The following LYPLAL1 variants were observed in gnomAD, a reference collection of about 807,000 sequenced individuals.
The protein encoded by LYPLAL1 is lysophospholipase-like protein 1.
A neutral mutation model predicts 19.7 loss-of-function variants in LYPLAL1; 23 were observed. The ratio of observed to expected loss-of-function variants is 1.17; its 90% CI spans 0.84 to 1.65. LYPLAL1 has a LOEUF of 1.65. Among genes scored for constraint, LYPLAL1 ranks in the 40% most tolerant of loss-of-function variants. The probability of loss-of-function intolerance (pLI) is 0.00; values close to 1 mark genes in which losing one functional copy is unlikely to be tolerated. For missense variants in LYPLAL1, 355 were observed against 279.4 expected (o/e 1.27, Z -1.93); for synonymous variants, 119 against 96.3 (o/e 1.24, Z -1.38).
chr1:219,179,148 T>A lies in LYPLAL1; in HGVS notation c.93T>A (p.Gly31=). ...AATCTAGATTTTTTGATTCATCAGG[T>A]GATTCTGGACAAGGATTAAGAATGT... The part of the protein sequence containing the change: ...SASLIFLHGS[G]DSGQGLRMWI... The change falls in exon 2 of 5, where the codon GGT becomes GGA. Residue 31 remains glycine (G), a splice_region_variant and synonymous_variant. Coordinates refer to ENST00000366928, the MANE Select transcript of LYPLAL1 (RefSeq NM_138794.5). 4 of 1,598,682 alleles carry A rather than the reference T, an allele frequency of 2.5e-6. No homozygotes were observed. The South Asian group carries it at 4.5e-5, about 18-fold the overall frequency.
chr1:219,209,115 T>C (rs1338958385), intron 3 of LYPLAL1, among the ~76,000 whole-genome samples: 1 of 152,096 alleles, frequency 6.6e-6, no homozygotes, highest in African/African-American at 2.4e-5. Flanking sequence ...TCTGGAGTTA[T>C]TGGGGGTATT....
the LYPLAL1 span, among the ~76,000 whole-genome samples, chr1:219,291,798 A>AC: frequency 6.6e-6 from 1 of 151,642 alleles, no homozygotes; most frequent in Admixed American, 6.6e-5. Flanking sequence ...GTGCAAAAAA[A>AC]AATGTAGCTT....
the LYPLAL1 span, among the ~76,000 whole-genome samples, chr1:219,385,433 T>A: frequency 6.6e-6 from 1 of 152,178 alleles, no homozygotes; most frequent in Admixed American, 6.6e-5. Flanking sequence ...AGTTGGCCTA[T>A]CCTTGAGGTA....
chr1:219,197,193 A>T (rs1220732875), intron 3 of LYPLAL1, among the ~76,000 whole-genome samples: 1 of 152,238 alleles, frequency 6.6e-6, no homozygotes, highest in Admixed American at 6.5e-5. Context: ...CAAAAAGGAC[A>T]AAGGTGGAGG....
At chr1:219,293,616 G>A in the LYPLAL1 span, among the ~76,000 whole-genome samples, 6 of 152,192 alleles carry the variant, frequency 3.9e-5, no homozygotes, top group Admixed American at 3.3e-4. Context: ...GCAAGAATTT[G>A]TCTTTGGAAG....
chr1:219,309,015 G>A, the LYPLAL1 span, among the ~76,000 whole-genome samples: 3 of 152,202 alleles, frequency 2.0e-5, no homozygotes, highest in Admixed American at 1.3e-4. Flanking sequence ...GCTACACGCT[G>A]CAAAGCCACA....
the LYPLAL1 span, among the ~76,000 whole-genome samples, chr1:219,361,632 G>C: frequency 6.6e-6 from 1 of 152,072 alleles, no homozygotes; most frequent in Non-Finnish European, 1.5e-5. Context: ...AGGTTGATCC[G>C]ATGTCCAAGA....
At chr1:219,338,553 T>C in the LYPLAL1 span, among the ~76,000 whole-genome samples, 1 of 151,828 alleles carries the variant, frequency 6.6e-6, no homozygotes, top group East Asian at 1.9e-4. Context: ...AGAGTGAAAA[T>C]ATCCACCTCA....
the LYPLAL1 span, among the ~76,000 whole-genome samples, chr1:219,425,811 T>C: frequency 2.0e-5 from 3 of 152,196 alleles, no homozygotes; most frequent in Admixed American, 6.5e-5. Context: ...TATCTAAGTA[T>C]GTCATTACGC....
At chr1:219,203,242 G>A (rs1042756181) in intron 3 of LYPLAL1, among the ~76,000 whole-genome samples, 19 of 151,278 alleles carry the variant, frequency 1.3e-4, no homozygotes, top group African/African-American at 4.4e-4. Context: ...CATTCTTTGC[G>A]GTTTTATTTG....
the LYPLAL1 span, among the ~76,000 whole-genome samples, chr1:219,389,680 A>C: frequency 6.6e-6 from 1 of 152,196 alleles, no homozygotes; most frequent in Non-Finnish European, 1.5e-5. Context: ...CCAATGAAGA[A>C]CTGTAATCTA....
chr1:219,405,303 G>T, the LYPLAL1 span, among the ~76,000 whole-genome samples: 2 of 152,178 alleles, frequency 1.3e-5, no homozygotes, highest in Non-Finnish European at 2.9e-5. Flanking sequence ...TTCCCTTGGG[G>T]ATTAAAATGT....
At chr1:219,382,706 C>T in the LYPLAL1 span, among the ~76,000 whole-genome samples, 46 of 152,248 alleles carry the variant, frequency 3.0e-4, no homozygotes, top group African/African-American at 1.0e-3. Flanking sequence ...TTAAAACTAC[C>T]CACCATCTCA....
At chr1:219,368,403 T>C in the LYPLAL1 span, among the ~76,000 whole-genome samples, 1 of 152,184 alleles carries the variant, frequency 6.6e-6, no homozygotes, top group Non-Finnish European at 1.5e-5. Context: ...ATAAGACAGT[T>C]TCCTGTATCT....
the LYPLAL1 span, among the ~76,000 whole-genome samples, chr1:219,346,240 G>A: frequency 1.3e-5 from 2 of 152,112 alleles, no homozygotes; most frequent in Non-Finnish European, 2.9e-5. Context: ...AGGAAGGAGT[G>A]TGACTATGTG....
the LYPLAL1 span, among the ~76,000 whole-genome samples, chr1:219,397,266 A>G: frequency 1.5e-4 from 23 of 152,196 alleles, no homozygotes; most frequent in Non-Finnish European, 2.6e-4. Flanking sequence ...GATAAACCCT[A>G]CTTCATCATG....
the LYPLAL1 span, among the ~76,000 whole-genome samples, chr1:219,292,318 C>T: frequency 6.6e-6 from 1 of 152,168 alleles, no homozygotes. Context: ...CACTTTCACA[C>T]CAACCACTGG....
the LYPLAL1 span, among the ~76,000 whole-genome samples, chr1:219,369,693 T>C: frequency 6.6e-6 from 1 of 152,234 alleles, no homozygotes; most frequent in Non-Finnish European, 1.5e-5. Flanking sequence ...TTCTACTCTG[T>C]GCAATATGTC....
the LYPLAL1 span, among the ~76,000 whole-genome samples, chr1:219,416,466 T>G: frequency 6.6e-6 from 1 of 152,202 alleles, no homozygotes; most frequent in Non-Finnish European, 1.5e-5. Flanking sequence ...GAGGTGGTGG[T>G]GTTAGACAGC....
Sources: allele counts gnomAD v4.1 joint callset (sites outside exome capture counted in the v4.1 genomes callset), GRCh38; gene constraint gnomAD v4.1.1; transcripts MANE v1.5; gene names NCBI Gene and HGNC (gene_info 2026-07-23, HGNC 2026-07-21).